The following MYH11 variants were observed in gnomAD, a reference collection of about 807,000 sequenced individuals.
MYH11 encodes the protein myosin-11.
Under a neutral mutation model 246.6 loss-of-function variants are expected in MYH11, and 80 were observed. That is an observed-to-expected ratio of 0.32 (90% CI 0.27 to 0.39). MYH11 has a LOEUF of 0.39. Among genes scored for constraint, MYH11 ranks in the 10% least tolerant of loss-of-function variants. The pLI, the probability that MYH11 is intolerant of heterozygous loss-of-function variation, is 1.00. For synonymous variants in MYH11, 1,071 were observed against 1,015.5 expected, an observed-to-expected ratio of 1.05 and a Z score of -1.04; for missense variants, 2,158 against 2,546.8, an observed-to-expected ratio of 0.85 and a Z score of 3.29.
intron 29 of MYH11, 41 bp from the exon 30 acceptor site, chr16:15,724,840 A>G (rs1213217671): frequency 6.2e-7 from 1 of 1,613,754 alleles, no homozygotes; most frequent in East Asian, 2.2e-5. Flanking sequence ...ACCTGCCCCG[A>G]GGAAGGCCAC....
chr16:15,851,057 C>G lies in MYH11; in HGVS notation c.-18+5884G>C, dbSNP rs184315379. On this transcript the variant is annotated intron_variant, in intron 1 of 40. Coordinates refer to ENST00000300036, the MANE Select transcript of MYH11 (RefSeq NM_002474.3). ...TAGCCTGGGCAGCACAGTGAGATCC[C>G]ATCTCTATTTCAAATAAACGAATGA... 1.3e-3 allele frequency among the ~76,000 whole-genome samples: 203 copies of G among 152,248 alleles called. 2 individuals are homozygous for G. Among genetic ancestry groups the G allele is most frequent in the African/African-American group, 4.6e-3 (192 of 41,552 alleles).
chr16:15,748,074 C>T lies in MYH11; in HGVS notation c.2153G>A (p.Arg718Gln), dbSNP rs1286713310. The change falls in exon 17 of 41, where the codon CGG (arginine) becomes CAG (glutamine). Residue 718 changes from arginine (R) to glutamine (Q), a missense_variant. By Grantham distance (43) the Arg-to-Gln change is conservative. Coordinates refer to ENST00000300036, the MANE Select transcript of MYH11 (RefSeq NM_002474.3). Reference sequence around the variant, plus strand: ...TTGGCGGAACTCCTGGAAGACGATCCGGTTGGGGAAGCCCTGCCGGCAGAT... The same window carrying T: ...TTGGCGGAACTCCTGGAAGACGATCTGGTTGGGGAAGCCCTGCCGGCAGAT... ...IRICRQGFPN[R>Q]IVFQEFRQRY... 3.7e-6 allele frequency: 6 copies of T among 1,614,166 alleles called. No homozygotes were observed. Among genetic ancestry groups the T allele is most frequent in the Non-Finnish European group, 5.1e-6 (6 of 1,180,032 alleles).
chr16:15,830,483 A>G (rs972053833), intron 2 of MYH11, among the ~76,000 whole-genome samples: 1 of 152,196 alleles, frequency 6.6e-6, no homozygotes, highest in Non-Finnish European at 1.5e-5. Flanking sequence ...TGGCCAAAAT[A>G]CACAGTTAGA....
At chr16:15,809,151 C>G (rs2043082216) in intron 3 of MYH11, among the ~76,000 whole-genome samples, 1 of 152,296 alleles carries the variant, frequency 6.6e-6, no homozygotes, top group South Asian at 2.1e-4. Context: ...TGGACCTCCT[C>G]TACTTAGCAG....
At position 15,714,890 on chromosome 16, in the gene MYH11, C is replaced by A; in HGVS notation, c.5786+19G>T. The A allele has an allele frequency of 3.1e-6, 5 of 1,612,754 alleles. No homozygotes were observed. The highest frequency in any genetic ancestry group is 3.4e-6 in the Non-Finnish European group (4 of 1,179,948). On this transcript the variant is annotated intron_variant, in intron 40 of 40. Coordinates refer to ENST00000300036, the MANE Select transcript of MYH11 (RefSeq NM_002474.3). ...TCTGGCCTGAGAGACGGGGTCCTCCCGGGCCACGGGCTCCTCACCTGAGCT... is the reference window on the plus strand; with the variant it reads ...TCTGGCCTGAGAGACGGGGTCCTCCAGGGCCACGGGCTCCTCACCTGAGCT...
At chr16:15,850,475 T>A (rs1275948706) in intron 1 of MYH11, among the ~76,000 whole-genome samples, 1 of 152,168 alleles carries the variant, frequency 6.6e-6, no homozygotes, top group Non-Finnish European at 1.5e-5. Context: ...ACAGCTTCCC[T>A]CAGGATTTTA....
chr16:15,709,674 A>G (rs759022379), intron 40 of MYH11, among the ~76,000 whole-genome samples: 13 of 152,172 alleles, frequency 8.5e-5, no homozygotes, highest in Non-Finnish European at 1.8e-4. Flanking sequence ...AGAACCTCCT[A>G]TAAATCCCAT....
chr16:15,839,287 T>G (rs576137437), intron 1 of MYH11, among the ~76,000 whole-genome samples: 22 of 151,932 alleles, frequency 1.4e-4, no homozygotes, highest in African/African-American at 5.3e-4. Context: ...AATAAATGAG[T>G]CTCAAAAGCA....
intron 6 of MYH11, among the ~76,000 whole-genome samples, chr16:15,780,281 C>G (rs972743962): frequency 9.9e-5 from 15 of 151,382 alleles, no homozygotes; most frequent in Admixed American, 6.6e-4. Context: ...TGGGGGGGGG[C>G]CGCTGTTGTT....
rs1383182187 is a variant in MYH11, at chr16:15,747,863, T to A, written c.2250+11A>T. 1 of 1,613,384 alleles carries A rather than the reference T, an allele frequency of 6.2e-7. No homozygotes were observed. Among genetic ancestry groups the A allele is most frequent in the Admixed American group, 1.7e-5 (1 of 59,872 alleles). On this transcript the variant is annotated intron_variant, in intron 18 of 40. Coordinates refer to ENST00000300036, the MANE Select transcript of MYH11 (RefSeq NM_002474.3). ...GAGGTTGGGAGGTCTCTGGTGGACT[T>A]CTGGGCTCACCATGAGAATGCAGGC...
At chr16:15,849,336 C>T (rs572556909) in intron 1 of MYH11, among the ~76,000 whole-genome samples, 1 of 152,276 alleles carries the variant, frequency 6.6e-6, no homozygotes, top group African/African-American at 2.4e-5. Context: ...CCAACTTTCT[C>T]GAATGTTTGG....
At chr16:15,721,226 AC>A (rs1056100956) in intron 32 of MYH11, 175 bp from the exon 33 acceptor site, 19 of 932,102 alleles carry the variant, frequency 2.0e-5, no homozygotes, top group South Asian at 8.7e-5. Context: ...TTATCCTCGG[AC>A]CCCCCAACTC....
chr16:15,757,518 A>AGGAAG (rs2041758127), intron 13 of MYH11, among the ~76,000 whole-genome samples: 1 of 149,386 alleles, frequency 6.7e-6, no homozygotes, highest in African/African-American at 2.4e-5. Flanking sequence ...TAAAAAAAAA[A>AGGAAG]AAAAAAAAAA....
chr16:15,719,235 C>G lies in MYH11; in HGVS notation c.5156G>C (p.Ser1719Thr). 1 of 1,613,744 alleles carries G rather than the reference C, an allele frequency of 6.2e-7. No individual in the cohort carries two copies. Among genetic ancestry groups the G allele is most frequent in the Non-Finnish European group, 8.5e-7 (1 of 1,180,020 alleles). ...EKEELAEELA[S>T]SLSGRNALQD... ...AGTTTCCTACCTTCCCGACAGGCTA[C>G]TGGCCAGCTCCTCTGCCAGTTCCTC... Residue 1719 changes from serine to threonine, a missense_variant, in exon 36 of 41, where the codon AGT becomes ACT. Ser to Thr is a moderately conservative substitution (Grantham distance 58). Coordinates refer to ENST00000300036, the MANE Select transcript of MYH11 (RefSeq NM_002474.3).
In MYH11 at chr16:15,703,751, G is replaced by C. The variant is rs1260349874; in HGVS notation, c.*240C>G. ...CCACAGGTGTGTACCACCACGCCCA[G>C]CTTATTTTTAAATTCTTGTATAGAT... On this transcript the variant is annotated 3_prime_UTR_variant, in exon 41 of 41. Coordinates refer to ENST00000300036, the MANE Select transcript of MYH11 (RefSeq NM_002474.3). 7.3e-6 allele frequency: 4 copies of C among 547,962 alleles called. No homozygotes were observed. Among genetic ancestry groups the C allele is most frequent in the Admixed American group, 5.9e-5 (2 of 33,964 alleles). 33.9% of individuals were successfully genotyped at this position (547,962 alleles called of 1,614,324 possible).
intron 9 of MYH11, among the ~76,000 whole-genome samples, chr16:15,764,685 G>T (rs2041942959): frequency 6.6e-6 from 1 of 152,188 alleles, no homozygotes; most frequent in Admixed American, 6.5e-5. Flanking sequence ...CTTCCATGGG[G>T]CTGGTGGCAT....
intron 12 of MYH11, 24 bp from the exon 13 acceptor site, chr16:15,758,024 G>C (rs771850331): frequency 6.2e-7 from 1 of 1,612,680 alleles, no homozygotes. Context: ...GTGGGGGCGG[G>C]GCGTGAGCAT....
chr16:15,723,583 T>C (rs1403712262), intron 31 of MYH11, among the ~76,000 whole-genome samples: 1 of 152,046 alleles, frequency 6.6e-6, no homozygotes, highest in Non-Finnish European at 1.5e-5. Flanking sequence ...GTGGTGGAGG[T>C]TGCGGGGAGC....
intron 15 of MYH11, among the ~76,000 whole-genome samples, chr16:15,751,118 G>GTATTATTAT (rs56124315): frequency 1.5e-4 from 21 of 143,314 alleles, no homozygotes; most frequent in East Asian, 2.0e-4. Context: ...CAAAAAGTAG[G>GTATTATTAT]TATTATTATT....
Sources: allele counts gnomAD v4.1 joint callset (sites outside exome capture counted in the v4.1 genomes callset), GRCh38; gene constraint gnomAD v4.1.1; transcripts MANE v1.5; gene names NCBI Gene and HGNC (gene_info 2026-07-23, HGNC 2026-07-21).